Variants in ZNF536 observed in about 807,000 individuals in gnomAD.
The protein encoded by ZNF536 is zinc finger protein 536.
A neutral mutation model predicts 84.5 loss-of-function variants in ZNF536; 13 were observed. The observed-to-expected ratio is 0.15, with a 90% CI of 0.10 to 0.24. The LOEUF is 0.24. ZNF536 is among the 10% of genes least tolerant of loss of function. The pLI, the probability that ZNF536 is intolerant of heterozygous loss-of-function variation, is 1.00. For missense variants in ZNF536, 1,536 were observed against 1,747.5 expected, an observed-to-expected ratio of 0.88 and a Z score of 2.16; for synonymous variants, 811 against 742.5, an observed-to-expected ratio of 1.09 and a Z score of -1.50.
intron 1 of ZNF536, among the ~76,000 whole-genome samples, chr19:30,581,017 T>A (rs1160585549): frequency 2.6e-5 from 4 of 152,258 alleles, no homozygotes; most frequent in African/African-American, 9.6e-5. Context: ...TCTGGAATTA[T>A]GAGCAGGAAA....
chr19:30,301,721 A>G (rs191836956), intron 2 of ZNF536, among the ~76,000 whole-genome samples: 1 of 152,246 alleles, frequency 6.6e-6, no homozygotes, highest in Admixed American at 6.5e-5. Context: ...ATTCGTTTCG[A>G]TTAAATTTTT....
At chr19:30,515,340 G>C (rs547989793) in intron 2 of ZNF536, among the ~76,000 whole-genome samples, 1 of 152,228 alleles carries the variant, frequency 6.6e-6, no homozygotes, top group Non-Finnish European at 1.5e-5. Context: ...TGCTTTGAAA[G>C]CACATAGAAT....
At chr19:30,410,497 C>T (rs1448366388) in intron 1 of ZNF536, among the ~76,000 whole-genome samples, 4 of 97,200 alleles carry the variant, frequency 4.1e-5, no homozygotes, top group East Asian at 3.6e-4. Flanking sequence ...TTTTTTGAGA[C>T]GGAGTCTCGC....
At chr19:30,346,371 C>T (rs1367385123) in intron 2 of ZNF536, among the ~76,000 whole-genome samples, 1 of 152,068 alleles carries the variant, frequency 6.6e-6, no homozygotes, top group East Asian at 1.9e-4. Flanking sequence ...TCAGGGGTAC[C>T]TGTGCAGGTT....
chr19:30,474,647 T>TA (rs1406830402), intron 2 of ZNF536, among the ~76,000 whole-genome samples: 1 of 152,172 alleles, frequency 6.6e-6, no homozygotes, highest in African/African-American at 2.4e-5. Flanking sequence ...GATTTTCTCT[T>TA]ACTGCTAACA....
At chr19:30,635,887 C>T (rs558189148) in intron 1 of ZNF536, among the ~76,000 whole-genome samples, 49 of 152,360 alleles carry the variant, frequency 3.2e-4, no homozygotes, top group African/African-American at 1.1e-3. Flanking sequence ...GGAAACCCAG[C>T]TCCCTGCCAT....
At chr19:30,335,417 C>T (rs942781172) in intron 2 of ZNF536, among the ~76,000 whole-genome samples, 1 of 152,200 alleles carries the variant, frequency 6.6e-6, no homozygotes. Context: ...CCCATCCTGT[C>T]TCACGAGCAT....
At chr19:30,612,949 C>T (rs920340650) in intron 1 of ZNF536, among the ~76,000 whole-genome samples, 1 of 152,310 alleles carries the variant, frequency 6.6e-6, no homozygotes. Flanking sequence ...CAACGTGGGG[C>T]GGTTTCTTCG....
intron 3 of ZNF536, among the ~76,000 whole-genome samples, chr19:30,542,565 T>G (rs7250115): frequency 0.2 from 29,875 of 152,034 alleles, 3,277 homozygotes; most frequent in African/African-American, 0.26. Flanking sequence ...TTCTAGAAAT[T>G]CATTGTTTGG....
intron 2 of ZNF536, among the ~76,000 whole-genome samples, chr19:30,501,002 C>A (rs941379841): frequency 1.3e-5 from 2 of 152,112 alleles, no homozygotes; most frequent in African/African-American, 4.8e-5. Flanking sequence ...AGGATTGGAG[C>A]GAGAAGGTTT....
intron 1 of ZNF536, among the ~76,000 whole-genome samples, chr19:30,607,135 C>G (rs1378347773): frequency 1.3e-5 from 2 of 152,214 alleles, no homozygotes; most frequent in African/African-American, 4.8e-5. Context: ...CCCTAAACCT[C>G]TTCGACGTAG....
At chr19:30,249,009 G>A (rs568140655) in intron 1 of ZNF536, among the ~76,000 whole-genome samples, 12 of 152,280 alleles carry the variant, frequency 7.9e-5, no homozygotes, top group South Asian at 4.1e-4. Flanking sequence ...TAATTAATGC[G>A]TCGTTCAGCA....
At chr19:30,254,045 G>A (rs553381203) in intron 1 of ZNF536, among the ~76,000 whole-genome samples, 11 of 152,208 alleles carry the variant, frequency 7.2e-5, no homozygotes, top group South Asian at 4.1e-4. Flanking sequence ...GGTGTGGGCC[G>A]TGTCACTATT....
chr19:30,383,835 T>TTTCCTTCCTTCCTTCC (rs200232895), intron 1 of ZNF536, among the ~76,000 whole-genome samples: 8 of 95,524 alleles, frequency 8.4e-5, no homozygotes, highest in African/African-American at 2.9e-4. Context: ...TTTCTCCTTC[T>TTTCCTTCCTTCCTTCC]TTCCTTCCTT....
intron 2 of ZNF536, among the ~76,000 whole-genome samples, chr19:30,507,853 G>A (rs957293052): frequency 2.6e-5 from 4 of 152,108 alleles, no homozygotes; most frequent in African/African-American, 7.2e-5. Flanking sequence ...ATGCGCATAC[G>A]TGATGAACCC....
At chr19:30,353,822 C>T (rs943973060) in intron 3 of ZNF536, among the ~76,000 whole-genome samples, 1 of 152,192 alleles carries the variant, frequency 6.6e-6, no homozygotes, top group Admixed American at 6.5e-5. Flanking sequence ...CAATATTTAG[C>T]TGCTACATTG....
At chr19:30,524,026 G>A (rs190012323) in intron 2 of ZNF536, among the ~76,000 whole-genome samples, 3 of 152,358 alleles carry the variant, frequency 2.0e-5, no homozygotes, top group Admixed American at 6.5e-5. Flanking sequence ...CCACGGAGGG[G>A]CATTGCCCCC....
At chr19:30,437,698 G>A (rs2051815639) in intron 1 of ZNF536, among the ~76,000 whole-genome samples, 1 of 152,106 alleles carries the variant, frequency 6.6e-6, no homozygotes, top group Admixed American at 6.5e-5. Flanking sequence ...GAAAAGGTCA[G>A]GACTGGGGGG....
chr19:30,578,239 G>T (rs1378150759), intron 1 of ZNF536, among the ~76,000 whole-genome samples: 1 of 152,186 alleles, frequency 6.6e-6, no homozygotes, highest in Non-Finnish European at 1.5e-5. Flanking sequence ...AGAAAAAAAT[G>T]TTCCTCTGAC....
Sources: gnomAD v4.1 joint callset for allele counts (sites outside exome capture counted in the v4.1 genomes callset) on GRCh38, gnomAD v4.1.1 for gene constraint, MANE v1.5 for transcripts, NCBI Gene and HGNC (gene_info 2026-07-23, HGNC 2026-07-21) for gene names.